ARHGAP42: variants seen among roughly 807,000 people sequenced by gnomAD.
The protein encoded by ARHGAP42 is Rho GTPase activating protein 42.
In ARHGAP42, 63 loss-of-function variants were observed where a neutral mutation model predicts 125.0. That is an observed-to-expected ratio of 0.50 (90% confidence interval 0.41 to 0.62). The LOEUF is 0.62. Among genes scored for constraint, ARHGAP42 ranks in the 20% least tolerant of loss-of-function variants. The pLI, the probability that ARHGAP42 is intolerant of heterozygous loss-of-function variation, is 0.00. For synonymous variants in ARHGAP42, 339 were observed against 351.0 expected, an observed-to-expected ratio of 0.97 and a Z score of 0.38; for missense variants, 766 against 1,024.2, an observed-to-expected ratio of 0.75 and a Z score of 3.44.
chr11:100,852,925 T>G (rs560060330), intron 3 of ARHGAP42, among the ~76,000 whole-genome samples: 16 of 152,210 alleles, frequency 1.1e-4, no homozygotes, highest in Non-Finnish European at 1.6e-4. Flanking sequence ...CCGAAGAACA[T>G]TTTTACCTAG....
At chr11:100,723,753 C>A (rs182382096) in intron 1 of ARHGAP42, among the ~76,000 whole-genome samples, 143 of 151,856 alleles carry the variant, frequency 9.4e-4, no homozygotes, top group Non-Finnish European at 1.6e-3. Context: ...TCTTTATATC[C>A]TTTTCTTGTT....
At chr11:100,981,361 G>T (rs60312663) in intron 22 of ARHGAP42, among the ~76,000 whole-genome samples, 15,179 of 152,106 alleles carry the variant, frequency 0.1, 995 homozygotes, top group Non-Finnish European at 0.13. Context: ...ATATTCTTTT[G>T]TACTCTTAAA....
At chr11:100,825,803 C>T (rs1864503296) in intron 3 of ARHGAP42, among the ~76,000 whole-genome samples, 2 of 152,248 alleles carry the variant, frequency 1.3e-5, no homozygotes, top group Admixed American at 1.3e-4. Context: ...ATTCAGTGTG[C>T]ATGTGTTTTA....
At chr11:100,938,821 C>A (rs1867803704) in intron 8 of ARHGAP42, among the ~76,000 whole-genome samples, 1 of 152,166 alleles carries the variant, frequency 6.6e-6, no homozygotes, top group Non-Finnish European at 1.5e-5. Flanking sequence ...ACAATTAAAA[C>A]AATCTAACCA....
chr11:100,714,387 AT>A (rs1861616997), intron 1 of ARHGAP42, among the ~76,000 whole-genome samples: 2 of 98,118 alleles, frequency 2.0e-5, no homozygotes, highest in Admixed American at 2.0e-4. Flanking sequence ...AAACATAAAA[AT>A]TTGTGTGTGT....
rs569710782 is a variant in ARHGAP42 at position 100,868,585 on chromosome 11, A to G, written c.384+8960A>G. Among the ~76,000 whole-genome samples the G allele has an allele frequency of 2.6e-5, 4 of 152,318 alleles. No homozygotes were observed. In the South Asian group the frequency reaches 8.3e-4, roughly 32 times the overall value. On this transcript the variant is annotated intron_variant, in intron 4 of 23. Coordinates refer to ENST00000298815, the MANE Select transcript of ARHGAP42 (RefSeq NM_152432.4). ...ATTTTAAACAGAAATGAGATAAAACATACAGTTCTTTAATAGCACATTTGG... is the reference window on the plus strand; with the variant it reads ...ATTTTAAACAGAAATGAGATAAAACGTACAGTTCTTTAATAGCACATTTGG...
chr11:100,965,788 A>G lies in ARHGAP42; in HGVS notation c.1550+12A>G, dbSNP rs895398555. On this transcript the variant is annotated intron_variant, in intron 17 of 23. Transcript: ENST00000298815. The stretch of plus-strand genomic sequence containing the variant: ...AAGCATCTGGTCAAGTAATTCTCTA[A>G]CTTACATTGTTCATTTAACTTATTG... 2.9e-5 allele frequency: 44 copies of G among 1,537,246 alleles called. No homozygotes were observed. The African/African-American group carries it at 3.8e-4, about 13-fold the overall frequency.
intron 1 of ARHGAP42, among the ~76,000 whole-genome samples, chr11:100,690,680 T>C (rs1418961093): frequency 6.6e-6 from 1 of 152,152 alleles, no homozygotes; most frequent in African/African-American, 2.4e-5. Flanking sequence ...CACTGCAAGC[T>C]CCGCCTCCCA....
intron 10 of ARHGAP42, 35 bp from the exon 11 acceptor site, chr11:100,948,422 A>G: frequency 1.4e-6 from 2 of 1,408,380 alleles, no homozygotes; most frequent in South Asian, 1.4e-5. Flanking sequence ...AAAGTAGTAA[A>G]TGTGTAAATA....
intron 10 of ARHGAP42, among the ~76,000 whole-genome samples, chr11:100,946,616 G>T (rs1668259148): frequency 6.6e-6 from 1 of 152,068 alleles, no homozygotes; most frequent in African/African-American, 2.4e-5. Context: ...GAGGGAAAGA[G>T]ATGGGGAAAT....
intron 3 of ARHGAP42, among the ~76,000 whole-genome samples, chr11:100,806,141 A>C (rs1462790204): frequency 6.6e-6 from 1 of 152,224 alleles, no homozygotes; most frequent in Non-Finnish European, 1.5e-5. Flanking sequence ...GACAGTTCCC[A>C]CATTAAATTT....
chr11:100,927,379 G>C (rs76336770), intron 6 of ARHGAP42, among the ~76,000 whole-genome samples: 7,000 of 152,140 alleles, frequency 0.046, 308 homozygotes, highest in East Asian at 0.25. Flanking sequence ...AGGACTAAAG[G>C]TTAAATTTCT....
chr11:100,933,099 C>A, intron 6 of ARHGAP42, 57 bp from the exon 7 acceptor site: 2 of 1,195,336 alleles, frequency 1.7e-6, no homozygotes, highest in Non-Finnish European at 2.4e-6. Flanking sequence ...TATTTTATAT[C>A]ATTAAATGAT....
chr11:100,986,167 A>AAC, intron 22 of ARHGAP42: 7 of 452,308 alleles, frequency 1.5e-5, no homozygotes, highest in Middle Eastern at 3.3e-4. Flanking sequence ...CAGCAATAAT[A>AAC]ACAAAATACC....
chr11:100,923,826 G>C (rs1867346516), intron 6 of ARHGAP42, among the ~76,000 whole-genome samples: 1 of 152,056 alleles, frequency 6.6e-6, no homozygotes, highest in Admixed American at 6.6e-5. Flanking sequence ...AAACCAAATA[G>C]TACTGTCAGT....
chr11:100,788,158 A>G (rs940200463), intron 2 of ARHGAP42, among the ~76,000 whole-genome samples: 5 of 152,204 alleles, frequency 3.3e-5, no homozygotes, highest in African/African-American at 9.6e-5. Flanking sequence ...GGTATGTCTC[A>G]TATTTGCCTA....
At chr11:100,954,308 C>A (rs1052455287) in intron 12 of ARHGAP42, among the ~76,000 whole-genome samples, 1 of 152,020 alleles carries the variant, frequency 6.6e-6, no homozygotes, top group East Asian at 1.9e-4. Flanking sequence ...CCAGGTACTG[C>A]GAGTAAGAAA....
At chr11:100,895,345 G>C (rs1357304970) in intron 4 of ARHGAP42, among the ~76,000 whole-genome samples, 1 of 151,964 alleles carries the variant, frequency 6.6e-6, no homozygotes, top group Non-Finnish European at 1.5e-5. Flanking sequence ...TGGTAAACCA[G>C]TCAAAATCAT....
rs562024366 is a variant in ARHGAP42 at position 100,973,404 on chromosome 11, T to C, written c.1710+70T>C. ...TTTTATAAAGGAATTTTGCATTTGA[T>C]CTGTGAGCTCATGAGTTTTGTATAA... On this transcript the variant is annotated intron_variant, in intron 18 of 23. Coordinates refer to ENST00000298815, the MANE Select transcript of ARHGAP42 (RefSeq NM_152432.4). The C allele has an allele frequency of 5.5e-6, 8 of 1,460,302 alleles. No individual in the cohort carries two copies. In the Admixed American group the frequency reaches 1.7e-4, roughly 32 times the overall value. The allele number at this position is 1,460,302 out of a possible 1,614,324, so 90.5% of individuals were successfully genotyped here.
Sources: allele counts gnomAD v4.1 joint callset (sites outside exome capture counted in the v4.1 genomes callset), GRCh38; gene constraint gnomAD v4.1.1; transcripts MANE v1.5; gene names NCBI Gene and HGNC (gene_info 2026-07-23, HGNC 2026-07-21).